The following TNFRSF10B variants were observed in gnomAD, a reference collection of about 807,000 sequenced individuals.
TNFRSF10B encodes the protein tumor necrosis factor receptor superfamily member 10B.
In TNFRSF10B, 35 loss-of-function variants were observed where a neutral mutation model predicts 41.4. The observed-to-expected ratio is 0.85, with a 90% CI of 0.65 to 1.12. The LOEUF (loss-of-function observed/expected upper bound fraction) is 1.12. Among genes scored for constraint, TNFRSF10B ranks in the 50% most tolerant of loss-of-function variants. TNFRSF10B has a pLI of 0.00. For synonymous variants in TNFRSF10B, 230 were observed against 215.5 expected (o/e 1.07, Z -0.59); for missense variants, 584 against 552.7 (o/e 1.06, Z -0.57).
At position 23,021,262 on chromosome 8, in the gene TNFRSF10B, G is replaced by A. The variant is rs1467209028; in HGVS notation, c.*1409C>T. ...CCATTCTAGGTCCTGTTGCCACAGT[G>A]TTTAAGAATTGACATTTCTGAGATG... On this transcript the variant is annotated 3_prime_UTR_variant, in exon 9 of 9. Transcript: ENST00000276431. The A allele has an allele frequency of 2.2e-6, 1 of 454,136 alleles. No individual in the cohort carries two copies. The highest frequency in any genetic ancestry group is 4.4e-6 in the Non-Finnish European group (1 of 226,790). The allele number at this position is 454,136 out of a possible 1,614,324, so 28.1% of individuals were successfully genotyped here.
intron 1 of TNFRSF10B, among the ~76,000 whole-genome samples, chr8:23,048,148 A>G: frequency 6.6e-6 from 1 of 152,220 alleles, no homozygotes; most frequent in Non-Finnish European, 1.5e-5. Context: ...ATTGAAAACA[A>G]CGAGGCTGGG....
intron 1 of TNFRSF10B, among the ~76,000 whole-genome samples, chr8:23,060,011 G>T (rs1423882325): frequency 6.6e-6 from 1 of 152,104 alleles, no homozygotes; most frequent in East Asian, 1.9e-4. Flanking sequence ...TTAGATCGTA[G>T]GAATTCTTTA....
Position 23,028,371 on chromosome 8 carries a change from C to T in TNFRSF10B, c.708G>A (p.Leu236=), listed in dbSNP as rs1353822191. ...TCAGGTAAGGAAGGACTTTCTTCCACAGTAAAGACTTGCAAACAAACACAG... is the reference window on the plus strand; with the variant it reads ...TCAGGTAAGGAAGGACTTTCTTCCATAGTAAAGACTTGCAAACAAACACAG... ...IVAVFVCKSL[L]WKKVLPYLKG... The change falls in exon 5 of 9, where the codon CTG becomes CTA. Residue 236 remains leucine (L), a synonymous_variant. Coordinates refer to ENST00000276431, the MANE Select transcript of TNFRSF10B (RefSeq NM_003842.5). 6.2e-7 allele frequency: 1 copy of T among 1,614,172 alleles called. No individual in the cohort carries two copies.
At chr8:23,049,564 A>T (rs1812461404) in intron 1 of TNFRSF10B, among the ~76,000 whole-genome samples, 1 of 152,246 alleles carries the variant, frequency 6.6e-6, no homozygotes, top group African/African-American at 2.4e-5. Context: ...CCTTAGTTAT[A>T]GATTCAAAGA....
chr8:23,068,019 T>C (rs1813047403), intron 1 of TNFRSF10B, among the ~76,000 whole-genome samples: 1 of 152,140 alleles, frequency 6.6e-6, no homozygotes, highest in Non-Finnish European at 1.5e-5. Context: ...TGCCAAGAGG[T>C]GGCAAGAAAG....
At chr8:23,026,321 A>G (rs963286300) in intron 7 of TNFRSF10B, among the ~76,000 whole-genome samples, 1 of 152,156 alleles carries the variant, frequency 6.6e-6, no homozygotes, top group African/African-American at 2.4e-5. Flanking sequence ...GAGAGAAAAA[A>G]GTAAACATTT....
At chr8:23,034,560 G>C (rs1811975040) in intron 2 of TNFRSF10B, among the ~76,000 whole-genome samples, 1 of 152,192 alleles carries the variant, frequency 6.6e-6, no homozygotes, top group South Asian at 2.1e-4. Context: ...GACTCCATCT[G>C]TACACACACA....
intron 2 of TNFRSF10B, among the ~76,000 whole-genome samples, chr8:23,036,873 A>C (rs1812045554): frequency 6.6e-6 from 1 of 152,086 alleles, no homozygotes; most frequent in Non-Finnish European, 1.5e-5. Flanking sequence ...ACTGGGCAGA[A>C]CTCTGAGCAG....
rs984559041 is a variant in TNFRSF10B, at chr8:23,020,996, G to C, written c.*1675C>G. On this transcript the variant is annotated 3_prime_UTR_variant, in exon 9 of 9. Transcript: ENST00000276431. ...CTCCTAAAACTCCACAGACACAACA[G>C]TCTGAATGTGTGATCTTCAGGCAAT... 1 of 454,010 alleles carries C rather than the reference G, an allele frequency of 2.2e-6. No individual in the cohort carries two copies. Among genetic ancestry groups the C allele is most frequent in the Non-Finnish European group, 4.4e-6 (1 of 226,800 alleles). The allele number at this position is 454,010 out of a possible 1,614,324, so 28.1% of individuals were successfully genotyped here.
intron 1 of TNFRSF10B, among the ~76,000 whole-genome samples, chr8:23,052,655 C>T (rs1354311168): frequency 1.3e-5 from 2 of 151,970 alleles, no homozygotes; most frequent in Non-Finnish European, 2.9e-5. Context: ...TAAAAGAAAC[C>T]AGGAAATAAG....
chr8:23,024,274 TG>T lies in TNFRSF10B; in HGVS notation c.937-15del, dbSNP rs770601131. ...TTCTGCCGGTTCCTGTAACACATAG[TG>T]GGGAATGTCCTGGTCAGAGCCAGGA... is the stretch of plus-strand genomic sequence containing the variant. On this transcript the variant is annotated splice_polypyrimidine_tract_variant and intron_variant, in intron 7 of 8. Coordinates refer to ENST00000276431, the MANE Select transcript of TNFRSF10B (RefSeq NM_003842.5). The T allele has an allele frequency of 1.5e-5, 24 of 1,613,790 alleles. No individual in the cohort carries two copies. The highest frequency in any genetic ancestry group is 1.9e-5 in the Non-Finnish European group (22 of 1,179,910).
intron 1 of TNFRSF10B, among the ~76,000 whole-genome samples, chr8:23,067,229 C>T (rs1245182317): frequency 2.0e-5 from 3 of 151,950 alleles, no homozygotes; most frequent in African/African-American, 4.8e-5. Context: ...CTGCCCGCCT[C>T]GGCCTCCCAA....
intron 4 of TNFRSF10B, 112 bp from the exon 5 acceptor site, chr8:23,028,714 G>A (rs1375195887): frequency 7.3e-7 from 1 of 1,370,666 alleles, no homozygotes; most frequent in Non-Finnish European, 1.0e-6. Context: ...GTCAGGGGAA[G>A]GACAGTCTCC....
chr8:23,057,891 T>C (rs1376245374), intron 1 of TNFRSF10B, among the ~76,000 whole-genome samples: 1 of 152,248 alleles, frequency 6.6e-6, no homozygotes, highest in Non-Finnish European at 1.5e-5. Context: ...TTAGGCTTAT[T>C]ACTTGAATGG....
chr8:23,041,061 G>GT lies in TNFRSF10B; in HGVS notation c.250+2076dup, dbSNP rs773466506. Among the ~76,000 whole-genome samples the GT allele has an allele frequency of 7.5e-5, 3 of 40,090 alleles. No individual in the cohort carries two copies. The Admixed American group carries it at 8.2e-4, about 11-fold the overall frequency. The allele number at this position is 40,090 out of a possible 152,430, so 26.3% of individuals were successfully genotyped here. ...AAAGATATATGATAATTTTTTTTTT[G>GT]TTGTTTTTTTTTTTTGAGACAGGGT... On this transcript the variant is annotated intron_variant, in intron 2 of 8. Transcript: ENST00000276431.
At chr8:23,060,862 C>G (rs1410453543) in intron 1 of TNFRSF10B, among the ~76,000 whole-genome samples, 2 of 152,000 alleles carry the variant, frequency 1.3e-5, no homozygotes, top group Admixed American at 1.3e-4. Context: ...GGTGAGTTTA[C>G]TCCTATTTTA....
chr8:23,033,585 C>CAAAAAAAAAAAA (rs59282000), intron 2 of TNFRSF10B, among the ~76,000 whole-genome samples: 1 of 62,278 alleles, frequency 1.6e-5, no homozygotes, highest in African/African-American at 7.6e-5. Flanking sequence ...GACTCCGTCT[C>CAAAAAAAAAAAA]AAAAAAAAAA....
At chr8:23,056,237 TC>T (rs1461165566) in intron 1 of TNFRSF10B, among the ~76,000 whole-genome samples, 2 of 152,218 alleles carry the variant, frequency 1.3e-5, no homozygotes, top group East Asian at 3.9e-4. Context: ...TATAGAGTCA[TC>T]AGCTTTAAAA....
intron 2 of TNFRSF10B, among the ~76,000 whole-genome samples, chr8:23,040,772 G>C (rs1812171921): frequency 6.6e-6 from 1 of 151,950 alleles, no homozygotes; most frequent in Non-Finnish European, 1.5e-5. Context: ...CTAGCCACAA[G>C]ATTCCTGAAT....
Sources: gnomAD v4.1 joint callset for allele counts (sites outside exome capture counted in the v4.1 genomes callset) on GRCh38, gnomAD v4.1.1 for gene constraint, MANE v1.5 for transcripts, NCBI Gene and HGNC (gene_info 2026-07-23, HGNC 2026-07-21) for gene names.